The following P2RX1 variants were observed in gnomAD, a reference collection of about 807,000 sequenced individuals.
The protein encoded by P2RX1 is purinergic receptor P2X 1, also known as P2X purinoceptor 1.
A neutral mutation model predicts 50.3 loss-of-function variants in P2RX1; 42 were observed. The observed-to-expected ratio is 0.83, with a 90% CI of 0.65 to 1.08. P2RX1 has a LOEUF of 1.08. Among genes scored for constraint, P2RX1 ranks in the 50% least tolerant of loss-of-function variants. The pLI, the probability that P2RX1 is intolerant of heterozygous loss-of-function variation, is 0.00. For missense variants in P2RX1, 449 were observed against 529.0 expected, an observed-to-expected ratio of 0.85 and a Z score of 1.48; for synonymous variants, 199 against 202.6, an observed-to-expected ratio of 0.98 and a Z score of 0.15.
chr17:3,914,686 G>A lies in P2RX1; in HGVS notation c.137+1403C>T, dbSNP rs1167550934. 6.6e-6 allele frequency among the ~76,000 whole-genome samples: 1 copy of A among 152,150 alleles called. No homozygotes were observed. The highest frequency in any genetic ancestry group is 1.5e-5 in the Non-Finnish European group (1 of 68,030). ...CCCACCATCAGTGCCCAGTAGAAAG[G>A]ATCCACAGCCCCTTGTGATGGTGAG... On this transcript the variant is annotated intron_variant, in intron 1 of 11. Coordinates refer to ENST00000225538, the MANE Select transcript of P2RX1 (RefSeq NM_002558.4). This position sits in a 1 kb window ranked among gnomAD's most constrained non-coding sequence, Gnocchi z 4.1.
chr17:3,912,129 T>C (rs1260825791), intron 1 of P2RX1, among the ~76,000 whole-genome samples: 2 of 152,138 alleles, frequency 1.3e-5, no homozygotes, highest in Non-Finnish European at 2.9e-5. Flanking sequence ...GAAAGGGAGA[T>C]AGGTCATGGG....
chr17:3,915,276 A>G lies in P2RX1; in HGVS notation c.137+813T>C, dbSNP rs965267043. 8.3e-6 allele frequency: 3 copies of G among 363,032 alleles called. No individual in the cohort carries two copies. In the Admixed American group the frequency reaches 1.1e-4, roughly 13 times the overall value. The allele number at this position is 363,032 out of a possible 1,614,324, so 22.5% of individuals were successfully genotyped here. A position where few individuals can be genotyped will look rare whatever the true frequency, so the allele number is the denominator to read the frequency against. On this transcript the variant is annotated intron_variant, in intron 1 of 11. Coordinates refer to ENST00000225538, the MANE Select transcript of P2RX1 (RefSeq NM_002558.4). The stretch of plus-strand genomic sequence containing the variant: ...CCACCCAGACACTTGGCCACAGGGC[A>G]GACATGGGCACAGCCATATGTACAC...
intron 7 of P2RX1, among the ~76,000 whole-genome samples, chr17:3,900,932 G>A (rs1235533930): frequency 6.6e-6 from 1 of 152,152 alleles, no homozygotes; most frequent in Non-Finnish European, 1.5e-5. Context: ...TGGGCGAGGC[G>A]AGTAATGGGA....
At chr17:3,902,010 G>A (rs1567650564) in intron 7 of P2RX1, among the ~76,000 whole-genome samples, 1 of 152,230 alleles carries the variant, frequency 6.6e-6, no homozygotes, top group South Asian at 2.1e-4. Flanking sequence ...AACCCGGTCA[G>A]CTAGTTCTGC....
At chr17:3,915,605 T>C (rs760655350) in intron 1 of P2RX1, 5 of 457,082 alleles carry the variant, frequency 1.1e-5, no homozygotes, top group Non-Finnish European at 1.8e-5. Context: ...GTTTCTCTGC[T>C]CCGGGGGCCT....
chr17:3,897,988 TG>T lies in P2RX1; in HGVS notation c.1134+20del. Reference sequence around the variant, plus strand: ...AAGCGCCGGAGGCCTTCGAAGGGCCTGGCTCGGGGGGTTCTCTTACCGCCCC... The same window carrying T: ...AAGCGCCGGAGGCCTTCGAAGGGCCTGCTCGGGGGGTTCTCTTACCGCCCC... On this transcript the variant is annotated intron_variant, in intron 11 of 11. Coordinates refer to ENST00000225538, the MANE Select transcript of P2RX1 (RefSeq NM_002558.4). 1.9e-6 allele frequency: 3 copies of T among 1,611,832 alleles called. No individual in the cohort carries two copies. Among genetic ancestry groups the T allele is most frequent in the Non-Finnish European group, 2.5e-6 (3 of 1,178,106 alleles).
At chr17:3,910,068 G>A (rs931439563) in intron 1 of P2RX1, among the ~76,000 whole-genome samples, 5 of 142,220 alleles carry the variant, frequency 3.5e-5, no homozygotes, top group Admixed American at 8.0e-5. Context: ...TCTGCCTCCC[G>A]GATTCAAGCG....
Position 3,903,866 on chromosome 17 carries a change from T to G in P2RX1, c.524+62A>C. On this transcript the variant is annotated intron_variant, in intron 5 of 11. Transcript: ENST00000225538. This position sits in a 1 kb window ranked among gnomAD's most constrained non-coding sequence, Gnocchi z 4.6. The stretch of plus-strand genomic sequence containing the variant: ...AAGGGGTAAAGATCCTTTCTAGACC[T>G]AGGCCCCCCTCTGTCTGGCCTGGGA... 1 of 1,370,536 alleles carries G rather than the reference T, an allele frequency of 7.3e-7. No homozygotes were observed. The allele number at this position is 1,370,536 out of a possible 1,614,324, so 84.9% of individuals were successfully genotyped here. A position where few individuals can be genotyped will look rare whatever the true frequency, so the allele number is the denominator to read the frequency against.
chr17:3,906,108 CATCTATAA>C (rs1030107554), intron 1 of P2RX1, among the ~76,000 whole-genome samples: 7 of 152,190 alleles, frequency 4.6e-5, no homozygotes, highest in African/African-American at 1.7e-4. Context: ...TCAGTTTCCT[CATCTATAA>C]AATAGGAATA....
chr17:3,905,316 G>C lies in P2RX1; in HGVS notation c.189C>G (p.Ser63Arg). ...GGCCCTTGAGTTTCACAGAGACACT[G>C]CTGATGAGGCCGCTCGAGGTCTGGT... The part of the protein sequence containing the change: ...KGYQTSSGLI[S>R]SVSVKLKGLA... The change falls in exon 2 of 12, where the codon AGC (serine) becomes AGG (arginine). Residue 63 changes from serine to arginine, a missense_variant. Ser to Arg is a moderately radical substitution (Grantham distance 110). Transcript: ENST00000225538. 6.2e-7 allele frequency: 1 copy of C among 1,613,994 alleles called. No homozygotes were observed. Among genetic ancestry groups the C allele is most frequent in the South Asian group, 1.1e-5 (1 of 91,088 alleles).
At chr17:3,898,139 C>A (rs769288258) in intron 10 of P2RX1, 29 bp from the exon 11 acceptor site, 1 of 1,587,826 alleles carries the variant, frequency 6.3e-7, no homozygotes, top group Non-Finnish European at 8.6e-7. Flanking sequence ...ACGGAGACAG[C>A]GTGGGAATCC....
rs77278861 is a variant in P2RX1, at chr17:3,902,072, G to A, written c.747+1130C>T. Among the ~76,000 whole-genome samples the A allele has an allele frequency of 4.9e-3, 746 of 152,276 alleles. 7 individuals carry two copies. Among genetic ancestry groups the A allele is most frequent in the African/African-American group, 0.017 (710 of 41,550 alleles). ...CCCAGGTGACTGCGAGGATCCCAGG[G>A]CACAGGATTTCTCAGGGCCATAGGC... On this transcript the variant is annotated intron_variant, in intron 7 of 11. Coordinates refer to ENST00000225538, the MANE Select transcript of P2RX1 (RefSeq NM_002558.4).
rs2052408526 is a variant in P2RX1, at chr17:3,916,258, C to T, written c.-33G>A. On this transcript the variant is annotated 5_prime_UTR_variant, in exon 1 of 12. Coordinates refer to ENST00000225538, the MANE Select transcript of P2RX1 (RefSeq NM_002558.4). ...CGGCTGGGGCTCAGAACTGAGCCCCCTGCACGGCCTCTGCTCTCAGGGTGA... is the reference window on the plus strand; with the variant it reads ...CGGCTGGGGCTCAGAACTGAGCCCCTTGCACGGCCTCTGCTCTCAGGGTGA... 1.1e-5 allele frequency: 18 copies of T among 1,607,834 alleles called. No individual in the cohort carries two copies. Among genetic ancestry groups the T allele is most frequent in the Non-Finnish European group, 1.4e-5 (16 of 1,177,036 alleles).
chr17:3,900,948 G>A (rs755065188), intron 7 of P2RX1, among the ~76,000 whole-genome samples: 4 of 152,220 alleles, frequency 2.6e-5, no homozygotes, highest in Non-Finnish European at 5.9e-5. Context: ...TGGGACAGGT[G>A]GAGATAGGCT....
chr17:3,904,170 G>T, intron 4 of P2RX1, 146 bp from the exon 5 acceptor site: 1 of 1,019,398 alleles, frequency 9.8e-7, no homozygotes. Context: ...GGCAGGCCAA[G>T]CCAGGGCGGA....
At chr17:3,904,588 C>T (rs906430361) in intron 3 of P2RX1, 189 bp from the exon 4 acceptor site, 10 of 653,480 alleles carry the variant, frequency 1.5e-5, no homozygotes, top group Non-Finnish European at 2.7e-5. Flanking sequence ...CCCCCGGGCT[C>T]ATGCCCAGCT....
Position 3,904,924 on chromosome 17 carries a change from G to T in P2RX1, c.291C>A (p.Asp97Glu). 1 of 913,982 alleles carries T rather than the reference G, an allele frequency of 1.1e-6. No homozygotes were observed. Among genetic ancestry groups the T allele is most frequent in the Non-Finnish European group, 1.6e-6 (1 of 625,634 alleles). The allele number at this position is 913,982 out of a possible 1,614,324, so 56.6% of individuals were successfully genotyped here. A position where few individuals can be genotyped will look rare whatever the true frequency, so the allele number is the denominator to read the frequency against. The change falls in exon 3 of 12, where the codon GAC (aspartate) becomes GAA (glutamate). Residue 97 changes from aspartate to glutamate, a missense_variant. Transcript: ENST00000225538. ...VADYVFPAQGDNSFVVMTNFI... is the reference protein window; with the variant it reads ...VADYVFPAQGENSFVVMTNFI... ...AATTGGTCATGACCACGAAGGAGTT[G>T]TCCCCCTAGAAGTGAGGGGCAGGGG...
At chr17:3,913,104 C>T (rs1597530727) in intron 1 of P2RX1, among the ~76,000 whole-genome samples, 1 of 151,058 alleles carries the variant, frequency 6.6e-6, no homozygotes, top group Middle Eastern at 3.4e-3. Flanking sequence ...CTCATCAGCT[C>T]TTCGGGGAGA....
intron 4 of P2RX1, 117 bp from the exon 5 acceptor site, chr17:3,904,141 C>T (rs559320046): frequency 1.6e-4 from 163 of 1,041,204 alleles, no homozygotes; most frequent in South Asian, 1.4e-3. Context: ...AGGACAGAAA[C>T]GTGGCTGGGT....
Sources: allele counts gnomAD v4.1 joint callset (sites outside exome capture counted in the v4.1 genomes callset), GRCh38; gene constraint gnomAD v4.1.1; non-coding constraint Gnocchi (gnomAD v3.1); transcripts MANE v1.5; gene names NCBI Gene and HGNC (gene_info 2026-07-23, HGNC 2026-07-21).